NAALADL2: variants seen among roughly 807,000 people sequenced by gnomAD.
NAALADL2 encodes inactive N-acetylated-alpha-linked acidic dipeptidase-like protein 2.
Under a neutral mutation model 87.2 loss-of-function variants are expected in NAALADL2, and 76 were observed. The observed-to-expected ratio is 0.87, with a 90% CI of 0.72 to 1.05. The LOEUF is 1.05. Among genes scored for constraint, NAALADL2 ranks in the 50% least tolerant of loss-of-function variants. The pLI, the probability that NAALADL2 is intolerant of heterozygous loss-of-function variation, is 0.00. For missense variants in NAALADL2, 1,089 were observed against 945.8 expected, an observed-to-expected ratio of 1.15 and a Z score of -1.99; for synonymous variants, 354 against 331.0, an observed-to-expected ratio of 1.07 and a Z score of -0.75.
chr3:175,256,695 T>G (rs911082990), intron 4 of NAALADL2, 165 bp downstream of exon 4: 1 of 507,502 alleles, frequency 2.0e-6, no homozygotes, highest in Non-Finnish European at 3.3e-6. Context: ...AAGATGGCTT[T>G]TCCACATTAG....
chr3:175,788,201 C>A (rs1303473559), intron 13 of NAALADL2, among the ~76,000 whole-genome samples: 2 of 150,736 alleles, frequency 1.3e-5, no homozygotes, highest in African/African-American at 4.9e-5. Context: ...TCAAGTGATC[C>A]TCCCAACTTA....
At chr3:175,106,587 T>C (rs912892107) in intron 2 of NAALADL2, among the ~76,000 whole-genome samples, 3 of 152,120 alleles carry the variant, frequency 2.0e-5, no homozygotes, top group Admixed American at 1.3e-4. Context: ...TTCCTGTGGA[T>C]TCATTTGACT....
intron 1 of NAALADL2, among the ~76,000 whole-genome samples, chr3:175,084,491 A>G (rs531494877): frequency 1.6e-4 from 25 of 152,192 alleles, no homozygotes; most frequent in Non-Finnish European, 3.1e-4. Context: ...ACTCAGGGCT[A>G]TAAGAATTCC....
intron 9 of NAALADL2, among the ~76,000 whole-genome samples, chr3:175,517,888 G>A (rs1732105631): frequency 6.6e-6 from 1 of 152,166 alleles, no homozygotes; most frequent in South Asian, 2.1e-4. Flanking sequence ...TCGCAGATTG[G>A]TTGAACCAGG....
At chr3:174,664,588 C>T (rs1725796579) in intron 2 of NAALADL2, among the ~76,000 whole-genome samples, 3 of 152,088 alleles carry the variant, frequency 2.0e-5, no homozygotes, top group Non-Finnish European at 2.9e-5. Context: ...CAGTTAAATA[C>T]ATTATGTGTT....
intron 13 of NAALADL2, among the ~76,000 whole-genome samples, chr3:175,783,645 C>A (rs1751475124): frequency 6.6e-6 from 1 of 152,002 alleles, no homozygotes; most frequent in South Asian, 2.1e-4. Context: ...ATGTTGTCTG[C>A]AAACAGGGAC....
At chr3:174,803,126 C>T (rs1334092476) in intron 3 of NAALADL2, among the ~76,000 whole-genome samples, 2 of 152,164 alleles carry the variant, frequency 1.3e-5, no homozygotes. Context: ...TTCTCCACAT[C>T]CTCTCCAGCA....
intron 1 of NAALADL2, among the ~76,000 whole-genome samples, chr3:174,882,798 CGTGTGTAT>C (rs1729543554): frequency 9.8e-6 from 1 of 102,172 alleles, no homozygotes; most frequent in African/African-American, 4.8e-5. Context: ...TATATATACA[CGTGTGTAT>C]ATGTGCATAT....
intron 5 of NAALADL2, among the ~76,000 whole-genome samples, chr3:175,418,312 G>A (rs1715026285): frequency 6.6e-6 from 1 of 152,092 alleles, no homozygotes; most frequent in African/African-American, 2.4e-5. Context: ...TTCTAGTTTG[G>A]GGCCTCTGCC....
At chr3:175,397,531 G>A (rs912524055) in intron 5 of NAALADL2, among the ~76,000 whole-genome samples, 1 of 152,152 alleles carries the variant, frequency 6.6e-6, no homozygotes, top group Non-Finnish European at 1.5e-5. Flanking sequence ...CTAGGGACAG[G>A]AAGGCTGAGC....
chr3:174,448,673 A>G (rs1157248889), intron 1 of NAALADL2, among the ~76,000 whole-genome samples: 2 of 152,268 alleles, frequency 1.3e-5, no homozygotes, highest in African/African-American at 4.8e-5. Context: ...GAGATGGGAT[A>G]TCAGTATCAA....
intron 3 of NAALADL2, among the ~76,000 whole-genome samples, chr3:174,760,335 T>A (rs1712752501): frequency 6.6e-6 from 1 of 152,196 alleles, no homozygotes; most frequent in African/African-American, 2.4e-5. Flanking sequence ...CAGTGAAATA[T>A]GAAAAGCCAG....
chr3:174,539,649 C>T (rs1722041009), intron 1 of NAALADL2, among the ~76,000 whole-genome samples: 1 of 152,034 alleles, frequency 6.6e-6, no homozygotes, highest in Non-Finnish European at 1.5e-5. Context: ...GTTGTGGCCA[C>T]ATCAAATTCT....
chr3:174,481,697 A>T (rs1269307962), intron 1 of NAALADL2, among the ~76,000 whole-genome samples: 1 of 152,144 alleles, frequency 6.6e-6, no homozygotes, highest in Non-Finnish European at 1.5e-5. Flanking sequence ...AAATCAGCAA[A>T]GGGAAAAGGT....
At chr3:174,753,739 T>A (rs1004370994) in intron 3 of NAALADL2, among the ~76,000 whole-genome samples, 4 of 152,130 alleles carry the variant, frequency 2.6e-5, no homozygotes, top group African/African-American at 4.8e-5. Context: ...TCCAGCAAAG[T>A]CCCCACTATG....
At chr3:174,585,617 G>A (rs534361605) in intron 2 of NAALADL2, among the ~76,000 whole-genome samples, 3 of 151,600 alleles carry the variant, frequency 2.0e-5, no homozygotes, top group Admixed American at 6.6e-5. Flanking sequence ...GCTTCATAGC[G>A]TTCTTGTCTC....
chr3:175,772,518 C>T (rs567573780), intron 13 of NAALADL2, among the ~76,000 whole-genome samples: 62 of 152,270 alleles, frequency 4.1e-4, no homozygotes, highest in African/African-American at 1.4e-3. Context: ...ACAGTTCATT[C>T]TAGTAGTAGA....
intron 1 of NAALADL2, among the ~76,000 whole-genome samples, chr3:174,995,407 A>G (rs929161868): frequency 5.3e-5 from 8 of 152,188 alleles, no homozygotes; most frequent in Admixed American, 5.2e-4. Context: ...TGATAGCTTT[A>G]AAGAATTCAG....
chr3:174,725,860 A>G (rs1732130784), intron 2 of NAALADL2, among the ~76,000 whole-genome samples: 1 of 152,224 alleles, frequency 6.6e-6, no homozygotes, highest in Non-Finnish European at 1.5e-5. Context: ...GCGGCACCAG[A>G]GGAATGACCA....
Sources: gnomAD v4.1 joint callset for allele counts (sites outside exome capture counted in the v4.1 genomes callset) on GRCh38, gnomAD v4.1.1 for gene constraint, MANE v1.5 for transcripts, NCBI Gene and HGNC (gene_info 2026-07-23, HGNC 2026-07-21) for gene names.